Variants in VRK2 observed in about 807,000 individuals in gnomAD.
VRK2 encodes serine/threonine-protein kinase VRK2.
VRK2 carries 60 observed loss-of-function variants against 57.6 expected under a neutral mutation model. The observed-to-expected ratio is 1.04, with a 90% confidence interval of 0.85 to 1.29. VRK2 has a LOEUF of 1.29. Ranked by LOEUF, VRK2 falls within the 50% of genes most tolerant of loss-of-function variation. The pLI is 0.00. For missense variants in VRK2, 705 were observed against 588.1 expected (o/e 1.20, Z -2.06); for synonymous variants, 231 against 199.2 (o/e 1.16, Z -1.35).
chr2:58,083,372 T>C (rs1473623110), intron 2 of VRK2, among the ~76,000 whole-genome samples: 1 of 151,810 alleles, frequency 6.6e-6, no homozygotes, highest in Non-Finnish European at 1.5e-5. Context: ...ATTTAGGTAA[T>C]GTAGAGGAAA....
At chr2:57,990,060 G>C (rs1672714867) in intron 1 of VRK2, among the ~76,000 whole-genome samples, 1 of 152,172 alleles carries the variant, frequency 6.6e-6, no homozygotes. Context: ...TGTTGGAAAA[G>C]AATGGCAACT....
chr2:57,980,409 T>C (rs1672386094), intron 1 of VRK2, among the ~76,000 whole-genome samples: 1 of 152,192 alleles, frequency 6.6e-6, no homozygotes, highest in Non-Finnish European at 1.5e-5. Flanking sequence ...GTGATTAGTA[T>C]GATTTTGGTT....
chr2:58,063,720 T>G (rs1035860426), intron 2 of VRK2, among the ~76,000 whole-genome samples: 2 of 152,072 alleles, frequency 1.3e-5, no homozygotes, highest in East Asian at 1.9e-4. Flanking sequence ...TGACTTTAAC[T>G]TTCAAGTTCT....
intron 1 of VRK2, 117 bp from the exon 2 acceptor site, chr2:58,048,710 C>T: frequency 6.7e-7 from 1 of 1,498,088 alleles, no homozygotes. Flanking sequence ...CTTTAGAATC[C>T]TAATTTCTGG....
chr2:58,158,467 C>CTGTT (rs1018192745), intron 12 of VRK2, among the ~76,000 whole-genome samples: 8 of 152,062 alleles, frequency 5.3e-5, no homozygotes, highest in Non-Finnish European at 8.8e-5. Flanking sequence ...AAGGGGAGGG[C>CTGTT]TGTTTGTTTG....
At chr2:58,048,262 A>C (rs1483383619) in intron 1 of VRK2, among the ~76,000 whole-genome samples, 1 of 152,152 alleles carries the variant, frequency 6.6e-6, no homozygotes, top group Non-Finnish European at 1.5e-5. Context: ...CAGCCCGAGA[A>C]CTGATGGCCT....
intron 3 of VRK2, 138 bp from the exon 4 acceptor site, chr2:58,084,743 G>C: frequency 1.9e-6 from 1 of 524,694 alleles, no homozygotes; most frequent in Non-Finnish European, 3.3e-6. Context: ...GTGGAAATCT[G>C]GTGCCTATGT....
chr2:58,119,431 C>T (rs997919991), intron 7 of VRK2, among the ~76,000 whole-genome samples: 3 of 145,984 alleles, frequency 2.1e-5, no homozygotes, highest in Non-Finnish European at 3.0e-5. Context: ...GAGCCGAGAT[C>T]GCGCCACTGC....
chr2:58,159,297 C>A (rs185709887), intron 12 of VRK2, 52 bp from the exon 13 acceptor site: 3 of 1,380,322 alleles, frequency 2.2e-6, no homozygotes, highest in African/African-American at 1.5e-5. Context: ...AAAATAAATA[C>A]TTGGATAACT....
At chr2:57,995,134 T>G (rs930395089) in intron 1 of VRK2, among the ~76,000 whole-genome samples, 4 of 152,190 alleles carry the variant, frequency 2.6e-5, no homozygotes, top group African/African-American at 9.6e-5. Context: ...CAATGTGGAC[T>G]CTGAGATCAT....
intron 1 of VRK2, among the ~76,000 whole-genome samples, chr2:58,010,187 T>C (rs116409756): frequency 1.1e-4 from 17 of 152,276 alleles, no homozygotes; most frequent in African/African-American, 4.1e-4. Context: ...TCAAATCCCA[T>C]CTTCACAACC....
chr2:57,915,431 A>T (rs895406631), intron 1 of VRK2, among the ~76,000 whole-genome samples: 1 of 152,192 alleles, frequency 6.6e-6, no homozygotes, highest in Non-Finnish European at 1.5e-5. Flanking sequence ...ATGTTCTACC[A>T]TCACATATTT....
chr2:58,052,065 C>G (rs377292685), intron 2 of VRK2, among the ~76,000 whole-genome samples: 1 of 152,028 alleles, frequency 6.6e-6, no homozygotes, highest in South Asian at 2.1e-4. Context: ...TAACACAGAA[C>G]CAAGTAAATT....
intron 2 of VRK2, among the ~76,000 whole-genome samples, chr2:58,056,329 T>G (rs1676515964): frequency 6.6e-6 from 1 of 152,140 alleles, no homozygotes; most frequent in African/African-American, 2.4e-5. Flanking sequence ...CAAATTAAAC[T>G]ACTAAAACTA....
At chr2:58,006,134 C>T (rs1277283958) in intron 1 of VRK2, among the ~76,000 whole-genome samples, 1 of 152,062 alleles carries the variant, frequency 6.6e-6, no homozygotes, top group African/African-American at 2.4e-5. Context: ...GAGTTTTCTA[C>T]TTTATACAGA....
At chr2:57,993,251 C>T (rs895849939) in intron 1 of VRK2, among the ~76,000 whole-genome samples, 1 of 152,064 alleles carries the variant, frequency 6.6e-6, no homozygotes, top group Non-Finnish European at 1.5e-5. Context: ...AGACAGGTTC[C>T]AGTACTGTAA....
intron 1 of VRK2, among the ~76,000 whole-genome samples, chr2:57,989,805 T>C (rs1672707700): frequency 6.6e-6 from 1 of 152,200 alleles, no homozygotes; most frequent in Non-Finnish European, 1.5e-5. Context: ...ACAATGTTTA[T>C]CTCCTGTTTG....
At chr2:57,908,392 T>C (rs187342585) in intron 1 of VRK2, among the ~76,000 whole-genome samples, 20 of 152,334 alleles carry the variant, frequency 1.3e-4, no homozygotes, top group Middle Eastern at 3.4e-3. Flanking sequence ...GACTTATCTA[T>C]AAATCTTTTA....
chr2:57,925,133 A>T (rs1670488588), intron 1 of VRK2, among the ~76,000 whole-genome samples: 1 of 152,050 alleles, frequency 6.6e-6, no homozygotes, highest in African/African-American at 2.4e-5. Flanking sequence ...GGATTTTTCC[A>T]TCCATATTCA....
Sources: gnomAD v4.1 joint callset for allele counts (sites outside exome capture counted in the v4.1 genomes callset) on GRCh38, gnomAD v4.1.1 for gene constraint, MANE v1.5 for transcripts, NCBI Gene and HGNC (gene_info 2026-07-23, HGNC 2026-07-21) for gene names.